KLF12: variants seen among roughly 807,000 people sequenced by gnomAD.
KLF12 encodes KLF transcription factor 12.
A neutral mutation model predicts 37.8 loss-of-function variants in KLF12; 9 were observed. The observed-to-expected ratio is 0.24, with a 90% CI of 0.14 to 0.42. KLF12 has a LOEUF of 0.42. KLF12 is among the 10% of genes least tolerant of loss of function. KLF12 has a pLI of 1.00. For missense variants in KLF12, 411 were observed against 516.0 expected, an observed-to-expected ratio of 0.80 and a Z score of 1.97; for synonymous variants, 208 against 202.1, an observed-to-expected ratio of 1.03 and a Z score of -0.25.
the KLF12 span, among the ~76,000 whole-genome samples, chr13:74,261,165 A>G: frequency 1.3e-5 from 2 of 152,238 alleles, no homozygotes; most frequent in African/African-American, 4.8e-5. Flanking sequence ...ATCAATATGT[A>G]TTAAAATAGC....
chr13:74,023,273 C>T (rs1386852967), intron 1 of KLF12, among the ~76,000 whole-genome samples: 1 of 152,136 alleles, frequency 6.6e-6, no homozygotes, highest in East Asian at 1.9e-4. Flanking sequence ...TGAGAATTTT[C>T]GAGAACGTTA....
intron 2 of KLF12, among the ~76,000 whole-genome samples, chr13:73,952,896 G>A (rs770434594): frequency 8.5e-5 from 13 of 152,196 alleles, no homozygotes; most frequent in Non-Finnish European, 1.5e-4. Flanking sequence ...ACAGGACATG[G>A]GAAGAGGTGG....
intron 6 of KLF12, among the ~76,000 whole-genome samples, chr13:73,744,687 G>T (rs1028297308): frequency 6.6e-6 from 1 of 152,252 alleles, no homozygotes; most frequent in African/African-American, 2.4e-5. Flanking sequence ...GAGGAGCAAC[G>T]CAGGGAAGGA....
the KLF12 span, among the ~76,000 whole-genome samples, chr13:74,172,589 A>G: frequency 6.6e-6 from 1 of 152,060 alleles, no homozygotes; most frequent in African/African-American, 2.4e-5. Context: ...TGCTTTCACA[A>G]TAAGATCAAA....
intron 6 of KLF12, among the ~76,000 whole-genome samples, chr13:73,724,608 AC>A (rs112217662): frequency 0.11 from 16,952 of 152,072 alleles, 1,273 homozygotes; most frequent in African/African-American, 0.2. Context: ...ATAATATTTT[AC>A]CCGCTTTTGA....
intron 6 of KLF12, among the ~76,000 whole-genome samples, chr13:73,757,546 TCACTGTC>T (rs1298638583): frequency 6.6e-6 from 1 of 152,182 alleles, no homozygotes; most frequent in Non-Finnish European, 1.5e-5. Context: ...AATTGCTAGT[TCACTGTC>T]CATGTGTATA....
At chr13:74,116,400 C>T (rs985133339) in intron 1 of KLF12, among the ~76,000 whole-genome samples, 4 of 152,186 alleles carry the variant, frequency 2.6e-5, no homozygotes, top group Non-Finnish European at 4.4e-5. Flanking sequence ...TGGCCATGAA[C>T]ATTTTACAGC....
chr13:74,111,132 G>A (rs534642926), intron 1 of KLF12, among the ~76,000 whole-genome samples: 2 of 147,966 alleles, frequency 1.4e-5, no homozygotes, highest in Non-Finnish European at 3.0e-5. Flanking sequence ...CAGCCTGGGC[G>A]ACAGAGCAAG....
chr13:73,879,604 C>T (rs1285633725), intron 3 of KLF12, among the ~76,000 whole-genome samples: 4 of 152,170 alleles, frequency 2.6e-5, no homozygotes, highest in Non-Finnish European at 5.9e-5. Flanking sequence ...TATAAACACA[C>T]ATAATTCTAT....
At chr13:74,059,045 T>C (rs1170127335) in intron 1 of KLF12, among the ~76,000 whole-genome samples, 1 of 152,226 alleles carries the variant, frequency 6.6e-6, no homozygotes, top group Non-Finnish European at 1.5e-5. Context: ...CAGTATTTTA[T>C]TTTCTGTTTC....
At chr13:73,805,040 C>T (rs1006287735) in intron 5 of KLF12, among the ~76,000 whole-genome samples, 4 of 152,212 alleles carry the variant, frequency 2.6e-5, no homozygotes, top group Non-Finnish European at 5.9e-5. Context: ...AGAGAAGAGA[C>T]ATGGCCCAAA....
At chr13:74,124,471 GA>G (rs1877823813) in intron 1 of KLF12, among the ~76,000 whole-genome samples, 1 of 152,000 alleles carries the variant, frequency 6.6e-6, no homozygotes, top group African/African-American at 2.4e-5. Flanking sequence ...TTATTTAAAA[GA>G]TTTTTTTGTC....
chr13:74,265,037 C>A, the KLF12 span, among the ~76,000 whole-genome samples: 2 of 151,934 alleles, frequency 1.3e-5, no homozygotes, highest in Non-Finnish European at 2.9e-5. Context: ...ATAAAATGAC[C>A]GAATTTATAA....
chr13:74,243,023 G>T, the KLF12 span, among the ~76,000 whole-genome samples: 1 of 152,170 alleles, frequency 6.6e-6, no homozygotes, highest in Non-Finnish European at 1.5e-5. Context: ...ATGTGCCATG[G>T]TGGGTTGCTG....
chr13:74,212,499 T>A, the KLF12 span, among the ~76,000 whole-genome samples: 1 of 152,118 alleles, frequency 6.6e-6, no homozygotes, highest in East Asian at 1.9e-4. Context: ...TTAAGAAGAG[T>A]TCTTTGCTAC....
chr13:74,082,361 A>G (rs531756134), intron 1 of KLF12, among the ~76,000 whole-genome samples: 5 of 152,274 alleles, frequency 3.3e-5, no homozygotes, highest in Non-Finnish European at 5.9e-5. Context: ...TAAGTGAGCT[A>G]AAAAACATAG....
At chr13:74,055,004 A>G (rs1055485697) in intron 1 of KLF12, among the ~76,000 whole-genome samples, 3 of 152,242 alleles carry the variant, frequency 2.0e-5, no homozygotes, top group African/African-American at 7.2e-5. Flanking sequence ...CGCGATGAAG[A>G]AGGTAAGAAA....
At chr13:73,872,224 A>G (rs1886506554) in intron 3 of KLF12, among the ~76,000 whole-genome samples, 1 of 152,170 alleles carries the variant, frequency 6.6e-6, no homozygotes, top group African/African-American at 2.4e-5. Flanking sequence ...TATATTTCAG[A>G]ATTTAATCTA....
intron 2 of KLF12, among the ~76,000 whole-genome samples, chr13:73,974,931 C>T (rs536980334): frequency 6.6e-6 from 1 of 152,202 alleles, no homozygotes; most frequent in South Asian, 2.1e-4. Context: ...CTTAATTTTC[C>T]AGAGGATCAG....
Sources: gnomAD v4.1 joint callset for allele counts (sites outside exome capture counted in the v4.1 genomes callset) on GRCh38, gnomAD v4.1.1 for gene constraint, MANE v1.5 for transcripts, NCBI Gene and HGNC (gene_info 2026-07-23, HGNC 2026-07-21) for gene names.